DOCK7: variants seen among roughly 807,000 people sequenced by gnomAD.
DOCK7 encodes the protein dedicator of cytokinesis protein 7.
In DOCK7, 138 loss-of-function variants were observed where a neutral mutation model predicts 271.0. The ratio of observed to expected loss-of-function variants is 0.51; its 90% CI spans 0.44 to 0.59. The LOEUF (loss-of-function observed/expected upper bound fraction) is 0.59. Ranked by LOEUF, DOCK7 falls within the 20% of genes least tolerant of loss-of-function variation. DOCK7 has a pLI of 0.00. For missense variants in DOCK7, 2,066 were observed against 2,592.4 expected (o/e 0.80, Z 4.41); for synonymous variants, 823 against 876.1 (o/e 0.94, Z 1.07).
In DOCK7 at chr1:62,552,923, C is replaced by T. The variant is rs200447753; in HGVS notation, c.2597-22G>A. 1.1e-5 allele frequency: 16 copies of T among 1,458,454 alleles called. No individual in the cohort carries two copies. In the East Asian group the frequency reaches 3.8e-4, roughly 34 times the overall value. 90.3% of individuals were successfully genotyped at this position (1,458,454 alleles called of 1,614,324 possible). A position where few individuals can be genotyped will look rare whatever the true frequency, so the allele number is the denominator to read the frequency against. The stretch of plus-strand genomic sequence containing the variant: ...GGACCTAGAGTTGTATATGAAATAG[C>T]ACATAATTAAAGAAAATTAGTCAGG... On this transcript the variant is annotated intron_variant, in intron 21 of 49. Transcript: ENST00000635253.
chr1:62,475,679 A>T (rs769726032), intron 46 of DOCK7, 28 bp downstream of exon 46: 7 of 1,592,414 alleles, frequency 4.4e-6, no homozygotes, highest in Non-Finnish European at 6.0e-6. Flanking sequence ...TTGCTTCACT[A>T]ATGCTGTTTG....
rs747854249 is a variant in DOCK7, at chr1:62,494,475, G to C, written c.5025-8C>G. 1 of 1,588,668 alleles carries C rather than the reference G, an allele frequency of 6.3e-7. No homozygotes were observed. Among genetic ancestry groups the C allele is most frequent in the Non-Finnish European group, 8.6e-7 (1 of 1,160,232 alleles). ...TGGTAACCCTTGGCAATTCTAATTAGAACAGAAATTCTTCTCCATTAGTAT... is the reference window on the plus strand; with the variant it reads ...TGGTAACCCTTGGCAATTCTAATTACAACAGAAATTCTTCTCCATTAGTAT... On this transcript the variant is annotated splice_region_variant and splice_polypyrimidine_tract_variant and intron_variant, in intron 39 of 49. Transcript: ENST00000635253.
At position 62,648,480 on chromosome 1, in the gene DOCK7, C is replaced by A; in HGVS notation, c.454G>T (p.Gly152Cys). ...TLDKQKERQK[G>C]LPKQVFESDE... is the part of the protein sequence containing the mutation. ...GATTCAAAAACTTGTTTTGGCAAACCTTTTTGCCTTTCTTTCTGTTTATCT... is the reference window on the plus strand; with the variant it reads ...GATTCAAAAACTTGTTTTGGCAAACATTTTTGCCTTTCTTTCTGTTTATCT... The change falls in exon 5 of 50, where the codon GGT (glycine) becomes TGT (cysteine). Residue 152 changes from glycine to cysteine, a missense_variant. Gly to Cys is a radical substitution (Grantham distance 159). Around this residue, in one of 2 missense-constraint regions of DOCK7, gnomAD observed 1,414 missense variants for 1,670.4 expected, o/e 0.85. Transcript: ENST00000635253. The A allele has an allele frequency of 1.3e-6, 2 of 1,530,748 alleles. No homozygotes were observed. Among genetic ancestry groups the A allele is most frequent in the African/African-American group, 1.4e-5 (1 of 72,070 alleles). The allele number at this position is 1,530,748 out of a possible 1,614,324, so 94.8% of individuals were successfully genotyped here.
intron 40 of DOCK7, among the ~76,000 whole-genome samples, chr1:62,494,035 G>T (rs1281214981): frequency 6.6e-6 from 1 of 152,162 alleles, no homozygotes; most frequent in African/African-American, 2.4e-5. Flanking sequence ...AAGACAAAGA[G>T]AATAAATAAG....
At chr1:62,506,324 T>G (rs1646934885) in intron 35 of DOCK7, among the ~76,000 whole-genome samples, 1 of 152,110 alleles carries the variant, frequency 6.6e-6, no homozygotes, top group Non-Finnish European at 1.5e-5. Flanking sequence ...AAAAAAGAAA[T>G]GTACTCTGTC....
chr1:62,680,677 C>T (rs530054771), intron 1 of DOCK7, among the ~76,000 whole-genome samples: 1 of 151,892 alleles, frequency 6.6e-6, no homozygotes, highest in African/African-American at 2.4e-5. Flanking sequence ...ACAATGAACT[C>T]AAACAAATTT....
At chr1:62,627,277 A>G (rs1258370942) in intron 11 of DOCK7, among the ~76,000 whole-genome samples, 4 of 152,234 alleles carry the variant, frequency 2.6e-5, no homozygotes, top group Non-Finnish European at 2.9e-5. Context: ...AGCAAATATC[A>G]TACTTGATGG....
At chr1:62,529,544 T>C in intron 29 of DOCK7, 98 bp from the exon 30 acceptor site, 1 of 896,116 alleles carries the variant, frequency 1.1e-6, no homozygotes, top group Non-Finnish European at 1.5e-6. Context: ...ATTGAATAAA[T>C]TTTGTTCAAT....
At chr1:62,465,044 T>C (rs1349171744) in intron 48 of DOCK7, among the ~76,000 whole-genome samples, 3 of 152,170 alleles carry the variant, frequency 2.0e-5, no homozygotes, top group Non-Finnish European at 2.9e-5. Context: ...CCATTTGTAG[T>C]AGAGAAAAAT....
rs533917107 is a variant in DOCK7, at chr1:62,625,164, C to G, written c.1425+95G>C. ...AGTTTTTAAGTTTCTTGGAATCACC[C>G]TCCCATACATGTATAGTACAATCAC... On this transcript the variant is annotated intron_variant, in intron 12 of 49. Coordinates refer to ENST00000635253, the MANE Select transcript of DOCK7 (RefSeq NM_001367561.1). 7.5e-5 allele frequency: 83 copies of G among 1,108,228 alleles called. No homozygotes were observed. In the African/African-American group the frequency reaches 1.2e-3, roughly 16 times the overall value. 68.6% of individuals were successfully genotyped at this position (1,108,228 alleles called of 1,614,324 possible). A position where few individuals can be genotyped will look rare whatever the true frequency, so the allele number is the denominator to read the frequency against.
intron 18 of DOCK7, among the ~76,000 whole-genome samples, chr1:62,569,411 C>T (rs1646691430): frequency 6.6e-6 from 1 of 151,998 alleles, no homozygotes; most frequent in South Asian, 2.1e-4. Flanking sequence ...GCTTCAACCC[C>T]GAGATGCAAG....
intron 48 of DOCK7, among the ~76,000 whole-genome samples, chr1:62,460,664 C>CT (rs1256350701): frequency 3.3e-4 from 49 of 146,418 alleles, no homozygotes; most frequent in South Asian, 8.6e-4. Flanking sequence ...TTCTTTTTTT[C>CT]TTTTTTTTTT....
At chr1:62,569,462 C>A (rs1335098119) in intron 18 of DOCK7, among the ~76,000 whole-genome samples, 2 of 151,890 alleles carry the variant, frequency 1.3e-5, no homozygotes, top group Non-Finnish European at 1.5e-5. Flanking sequence ...TAATCCGTCA[C>A]ATAAACAGAA....
At chr1:62,569,727 T>A (rs905343239) in intron 18 of DOCK7, among the ~76,000 whole-genome samples, 1 of 85,520 alleles carries the variant, frequency 1.2e-5, no homozygotes, top group Non-Finnish European at 2.1e-5. Context: ...CCCCCCTTTT[T>A]TTTTGAGACA....
chr1:62,577,290 G>A lies in DOCK7; in HGVS notation c.2084C>T (p.Pro695Leu), dbSNP rs1327784870. The A allele has an allele frequency of 6.3e-6, 10 of 1,591,702 alleles. No homozygotes were observed. The highest frequency in any genetic ancestry group is 8.6e-6 in the Non-Finnish European group (10 of 1,166,762). ...AGGAGACAGTACAGAATAAGCCTGT[G>A]GTGGTTTTTCCAATGAGACTGGCAA... ...FCLPVSLEKP[P>L]QAYSVLSPEV... The change falls in exon 18 of 50, where the codon CCA becomes CTA. Residue 695 changes from proline (P) to leucine (L), a missense_variant. This residue lies in a region of DOCK7 where 1,414 missense variants were observed against 1,670.4 expected (regional missense o/e 0.85). Coordinates refer to ENST00000635253, the MANE Select transcript of DOCK7 (RefSeq NM_001367561.1).
In DOCK7 at chr1:62,577,280, A is replaced by G. The variant is rs140514109; in HGVS notation, c.2094T>C (p.Tyr698=). 3.1e-6 allele frequency: 5 copies of G among 1,588,306 alleles called. No individual in the cohort carries two copies. The highest frequency in any genetic ancestry group is 4.3e-6 in the Non-Finnish European group (5 of 1,164,686). ...CACTGACCTCAGGAGACAGTACAGAATAAGCCTGTGGTGGTTTTTCCAATG... is the reference window on the plus strand; with the variant it reads ...CACTGACCTCAGGAGACAGTACAGAGTAAGCCTGTGGTGGTTTTTCCAATG... The part of the protein sequence containing the change: ...PVSLEKPPQA[Y]SVLSPEVPLP... The change falls in exon 18 of 50, where the codon TAT becomes TAC. Residue 698 remains tyrosine, a synonymous_variant. Coordinates refer to ENST00000635253, the MANE Select transcript of DOCK7 (RefSeq NM_001367561.1).
chr1:62,470,708 C>A (rs541846628), intron 48 of DOCK7, among the ~76,000 whole-genome samples: 2 of 152,002 alleles, frequency 1.3e-5, no homozygotes, highest in Non-Finnish European at 2.9e-5. Flanking sequence ...GCAGAAGAAT[C>A]GCTTGAACCC....
Position 62,535,572 on chromosome 1 carries a change from C to T in DOCK7, c.3532G>A (p.Val1178Met), listed in dbSNP as rs555621934. 1.8e-5 allele frequency: 29 copies of T among 1,613,816 alleles called. No homozygotes were observed. The highest frequency in any genetic ancestry group is 1.6e-4 in the Middle Eastern group (1 of 6,082). ...QKIANMFELS[V>M]PFRQQHYLAG... ...AAATAATGCTGTTGGCGGAAAGGCA[C>T]GGATAATTCAAACATATTTGCAATC... Residue 1178 changes from valine (V) to methionine (M), a missense_variant, in exon 29 of 50, where the codon GTG becomes ATG. Val to Met is a conservative substitution (Grantham distance 21). Coordinates refer to ENST00000635253, the MANE Select transcript of DOCK7 (RefSeq NM_001367561.1).
In DOCK7 at chr1:62,542,680, C is replaced by A; in HGVS notation, c.2973G>T (p.Leu991Phe). 2 of 1,613,158 alleles carry A rather than the reference C, an allele frequency of 1.2e-6. No homozygotes were observed. Among genetic ancestry groups the A allele is most frequent in the African/African-American group, 1.3e-5 (1 of 74,988 alleles). Residue 991 changes from leucine to phenylalanine, a missense_variant, in exon 25 of 50, where the codon TTG becomes TTT. By Grantham distance (22) the Leu-to-Phe change is conservative. Transcript: ENST00000635253. ...CGCTGCCACTGCAAACAACCCACTG[C>A]AAAGCCAGCTCCTCGTGAAAAAGCT... The part of the protein sequence containing the change: ...TKKLFHEELA[L>F]QWVVCSGSVR...
Sources: gnomAD v4.1 joint callset for allele counts (sites outside exome capture counted in the v4.1 genomes callset) on GRCh38, gnomAD v4.1.1 for gene constraint, gnomAD v4.1.1 regional missense constraint, MANE v1.5 for transcripts, NCBI Gene and HGNC (gene_info 2026-07-23, HGNC 2026-07-21) for gene names.